DLG2: variants seen among roughly 807,000 people sequenced by gnomAD.
The protein encoded by DLG2 is discs large MAGUK scaffold protein 2.
DLG2 carries 45 observed loss-of-function variants against 132.5 expected under a neutral mutation model. That is an observed-to-expected ratio of 0.34 (90% CI 0.27 to 0.44). DLG2 has a LOEUF of 0.44. Ranked by LOEUF, DLG2 falls within the 20% of genes least tolerant of loss-of-function variation. The pLI, the probability that DLG2 is intolerant of heterozygous loss-of-function variation, is 1.00. For missense variants in DLG2, 1,045 were observed against 1,196.9 expected, an observed-to-expected ratio of 0.87 and a Z score of 1.87; for synonymous variants, 424 against 419.6, an observed-to-expected ratio of 1.01 and a Z score of -0.13.
At chr11:85,032,699 A>C (rs547980205) in intron 6 of DLG2, among the ~76,000 whole-genome samples, 3 of 152,188 alleles carry the variant, frequency 2.0e-5, no homozygotes, top group Non-Finnish European at 4.4e-5. Context: ...TCTAGTTTTT[A>C]CCACCTAATT....
intron 6 of DLG2, among the ~76,000 whole-genome samples, chr11:84,805,707 C>G (rs1218081882): frequency 6.6e-6 from 1 of 152,182 alleles, no homozygotes; most frequent in African/African-American, 2.4e-5. Flanking sequence ...CCAACTTTGC[C>G]TTTCATCATG....
At chr11:83,509,125 G>C (rs1813201027) in intron 21 of DLG2, among the ~76,000 whole-genome samples, 1 of 152,210 alleles carries the variant, frequency 6.6e-6, no homozygotes, top group South Asian at 2.1e-4. Flanking sequence ...AGTGCACAAG[G>C]CAGGGACAAG....
At chr11:83,669,655 A>G (rs1178172317) in intron 18 of DLG2, among the ~76,000 whole-genome samples, 3 of 152,194 alleles carry the variant, frequency 2.0e-5, no homozygotes, top group South Asian at 2.1e-4. Flanking sequence ...TTTTGACTCT[A>G]TTTTGAAGGG....
At chr11:83,588,358 C>A (rs1035404708) in intron 19 of DLG2, among the ~76,000 whole-genome samples, 1 of 151,750 alleles carries the variant, frequency 6.6e-6, no homozygotes, top group Admixed American at 6.6e-5. Flanking sequence ...TGGGAGGCAC[C>A]CCCCAGCAGG....
chr11:85,046,380 A>G (rs1220069038), intron 6 of DLG2, among the ~76,000 whole-genome samples: 1 of 152,024 alleles, frequency 6.6e-6, no homozygotes, highest in Non-Finnish European at 1.5e-5. Flanking sequence ...ATAGAAATGG[A>G]ATTATGAGGA....
Position 84,619,733 on chromosome 11 carries a change from T to G in DLG2, c.358-85002A>C, listed in dbSNP as rs1043153458. Among the ~76,000 whole-genome samples, 4 of 151,628 alleles carry G rather than the reference T, an allele frequency of 2.6e-5. No homozygotes were observed. In the East Asian group the frequency reaches 5.8e-4, roughly 22 times the overall value. Reference sequence around the variant, plus strand: ...AACTGATAAAAAAATTCTCGAAAGTTTTTCAAAATTAATGCTTTTTTTAAA... The same window carrying G: ...AACTGATAAAAAAATTCTCGAAAGTGTTTCAAAATTAATGCTTTTTTTAAA... On this transcript the variant is annotated intron_variant, in intron 6 of 27. Coordinates refer to ENST00000376104, the MANE Select transcript of DLG2 (RefSeq NM_001142699.3).
At chr11:84,181,258 AGTG>A (rs1317736598) in intron 8 of DLG2, among the ~76,000 whole-genome samples, 2 of 151,996 alleles carry the variant, frequency 1.3e-5, no homozygotes, top group East Asian at 1.9e-4. Flanking sequence ...CTATTTGTGA[AGTG>A]GTGGAGTGTT....
intron 6 of DLG2, among the ~76,000 whole-genome samples, chr11:85,072,923 A>G (rs1379991979): frequency 2.0e-5 from 3 of 151,868 alleles, no homozygotes; most frequent in African/African-American, 7.2e-5. Flanking sequence ...CTCACATCCC[A>G]TCAGGCTACA....
Position 84,000,052 on chromosome 11 carries a change from G to T in DLG2, c.920-19410C>A, listed in dbSNP as rs558425316. Among the ~76,000 whole-genome samples, 143 of 150,700 alleles carry T rather than the reference G, an allele frequency of 9.5e-4. 3 individuals carry two copies. Among genetic ancestry groups the T allele is most frequent in the African/African-American group, 3.3e-3 (135 of 41,024 alleles). On this transcript the variant is annotated intron_variant, in intron 11 of 27. Transcript: ENST00000376104. The stretch of plus-strand genomic sequence containing the variant: ...AAGAAACATGAGTAAATCAATAAAA[G>T]AATTCATATTATCAATTCTAAAGAA...
At chr11:84,279,919 C>A (rs1474025534) in intron 7 of DLG2, among the ~76,000 whole-genome samples, 1 of 152,162 alleles carries the variant, frequency 6.6e-6, no homozygotes, top group African/African-American at 2.4e-5. Flanking sequence ...ACAGAAACAA[C>A]ATTTTACAAA....
rs944679503 is a variant in DLG2 at position 84,741,077 on chromosome 11, T to C, written c.358-206346A>G. Among the ~76,000 whole-genome samples the C allele has an allele frequency of 5.0e-4, 72 of 143,054 alleles. 1 individual carries two copies. Among genetic ancestry groups the C allele is most frequent in the Non-Finnish European group, 9.2e-4 (60 of 65,164 alleles). The allele number at this position is 143,054 out of a possible 152,430, so 93.8% of individuals were successfully genotyped here. ...TGCTCTTTTTTTTTTTTTTTTTTTT[T>C]TTTTTTTGAGATGGAGTCTCGTTCT... On this transcript the variant is annotated intron_variant, in intron 6 of 27. Coordinates refer to ENST00000376104, the MANE Select transcript of DLG2 (RefSeq NM_001142699.3).
In DLG2 at chr11:84,597,385, AT is replaced by A. The variant is rs998837624; in HGVS notation, c.358-62655del. Reference sequence around the variant, plus strand: ...GACCACTATTATTATTAGACAGACTATTTTTTTTCCAAAAAGTTGATACTGT... The same window carrying A: ...GACCACTATTATTATTAGACAGACTATTTTTTTCCAAAAAGTTGATACTGT... On this transcript the variant is annotated intron_variant, in intron 6 of 27. Coordinates refer to ENST00000376104, the MANE Select transcript of DLG2 (RefSeq NM_001142699.3). Among the ~76,000 whole-genome samples, 240 of 152,128 alleles carry A rather than the reference AT, an allele frequency of 1.6e-3. 1 individual carries two copies. The highest frequency in any genetic ancestry group is 5.6e-3 in the African/African-American group (233 of 41,514).
At chr11:84,300,347 T>C (rs1292833508) in intron 7 of DLG2, among the ~76,000 whole-genome samples, 1 of 152,066 alleles carries the variant, frequency 6.6e-6, no homozygotes, top group Non-Finnish European at 1.5e-5. Context: ...CTTGCTCACT[T>C]ATATCAGGGT....
At position 83,731,332 on chromosome 11, in the gene DLG2, C is replaced by G. The variant is rs560618448; in HGVS notation, c.1825+55358G>C. Among the ~76,000 whole-genome samples the G allele has an allele frequency of 5.3e-5, 8 of 152,302 alleles. No homozygotes were observed. In the South Asian group the frequency reaches 8.3e-4, roughly 16 times the overall value. ...GCCCTGGTGTGTGTTGTTCCCCTCC[C>G]TGTGTCCATGTGTTCTTGTTGTATA... On this transcript the variant is annotated intron_variant, in intron 18 of 27. Coordinates refer to ENST00000376104, the MANE Select transcript of DLG2 (RefSeq NM_001142699.3).
At chr11:85,468,050 T>A (rs1389205351) in intron 3 of DLG2, among the ~76,000 whole-genome samples, 1 of 152,212 alleles carries the variant, frequency 6.6e-6, no homozygotes, top group Non-Finnish European at 1.5e-5. Flanking sequence ...AGGGTGTATG[T>A]GTTGAGGAAT....
At chr11:84,066,557 C>T (rs528094781) in intron 10 of DLG2, among the ~76,000 whole-genome samples, 4 of 152,140 alleles carry the variant, frequency 2.6e-5, no homozygotes, top group Non-Finnish European at 5.9e-5. Flanking sequence ...GTCAGGAGTT[C>T]GAGACCAGCC....
intron 6 of DLG2, among the ~76,000 whole-genome samples, chr11:85,031,786 A>G (rs978582512): frequency 1.3e-5 from 2 of 151,662 alleles, no homozygotes; most frequent in African/African-American, 4.8e-5. Flanking sequence ...AGTCATAAAT[A>G]TTTATTTATT....
intron 7 of DLG2, among the ~76,000 whole-genome samples, chr11:84,253,046 A>C (rs1515094): frequency 0.79 from 120,170 of 152,082 alleles, 47,854 homozygotes; most frequent in Middle Eastern, 0.86. Flanking sequence ...GGAAAACATA[A>C]CCTTGGCATA....
chr11:85,232,070 G>A lies in DLG2; in HGVS notation c.186+53150C>T, dbSNP rs956011402. Among the ~76,000 whole-genome samples the A allele has an allele frequency of 2.0e-5, 3 of 151,778 alleles. No homozygotes were observed. The Admixed American group carries it at 2.0e-4, about 10-fold the overall frequency. On this transcript the variant is annotated intron_variant, in intron 4 of 27. Transcript: ENST00000376104. ...ATTTCACCCACCTTAGCAGCTGTAA[G>A]AGCCAATATTTCTTTCCTCCACCCA...
Sources: allele counts gnomAD v4.1 joint callset (sites outside exome capture counted in the v4.1 genomes callset), GRCh38; gene constraint gnomAD v4.1.1; transcripts MANE v1.5; gene names NCBI Gene and HGNC (gene_info 2026-07-23, HGNC 2026-07-21).